CCDC171: variants seen among roughly 807,000 people sequenced by gnomAD.
CCDC171 encodes the protein coiled-coil domain-containing protein 171.
Under a neutral mutation model 168.2 loss-of-function variants are expected in CCDC171, and 177 were observed. The observed-to-expected ratio is 1.05, with a 90% CI of 0.93 to 1.19. The LOEUF (loss-of-function observed/expected upper bound fraction) is 1.19. Ranked by LOEUF, CCDC171 falls within the 50% of genes most tolerant of loss-of-function variation. The probability of loss-of-function intolerance (pLI) is 0.00; values close to 1 mark genes in which losing one functional copy is unlikely to be tolerated. For missense variants in CCDC171, 1,991 were observed against 1,539.0 expected, an observed-to-expected ratio of 1.29 and a Z score of -4.91; for synonymous variants, 687 against 540.8, an observed-to-expected ratio of 1.27 and a Z score of -3.75.
chr9:15,905,154 G>C (rs1195786188), intron 24 of CCDC171, among the ~76,000 whole-genome samples: 1 of 152,158 alleles, frequency 6.6e-6, no homozygotes, highest in Non-Finnish European at 1.5e-5. Context: ...ATTGAACTCA[G>C]CTCTGCACCA....
intron 24 of CCDC171, among the ~76,000 whole-genome samples, chr9:15,909,463 C>T (rs914271771): frequency 2.6e-5 from 4 of 152,022 alleles, no homozygotes; most frequent in African/African-American, 4.8e-5. Flanking sequence ...AGGTGGTTGG[C>T]AGTCTGACAT....
At chr9:15,713,947 G>T (rs1360725283) in intron 11 of CCDC171, among the ~76,000 whole-genome samples, 4 of 151,728 alleles carry the variant, frequency 2.6e-5, no homozygotes, top group East Asian at 3.9e-4. Flanking sequence ...CCTGCTAGAT[G>T]AAAAAAACTG....
intron 8 of CCDC171, among the ~76,000 whole-genome samples, chr9:15,658,758 C>T (rs1363664665): frequency 6.6e-6 from 1 of 152,122 alleles, no homozygotes; most frequent in African/African-American, 2.4e-5. Context: ...AAGATTTCTT[C>T]CCTAGAGTCT....
intron 22 of CCDC171, 107 bp from the exon 23 acceptor site, chr9:15,848,786 A>C (rs1359689259): frequency 1.9e-6 from 1 of 536,950 alleles, no homozygotes; most frequent in East Asian, 3.5e-5. Context: ...AAAGGAGAAC[A>C]GTGATATCAG....
chr9:15,741,101 A>G (rs1336602438), intron 16 of CCDC171, among the ~76,000 whole-genome samples: 1 of 152,014 alleles, frequency 6.6e-6, no homozygotes, highest in East Asian at 1.9e-4. Flanking sequence ...GTATATATTA[A>G]GGATATTGAT....
chr9:15,910,778 T>C (rs564789149), intron 24 of CCDC171, among the ~76,000 whole-genome samples: 1 of 152,082 alleles, frequency 6.6e-6, no homozygotes, highest in Non-Finnish European at 1.5e-5. Flanking sequence ...CTCCCACTTA[T>C]GAGTGAGAAA....
chr9:15,610,266 A>G (rs936930057), intron 6 of CCDC171, among the ~76,000 whole-genome samples: 1 of 149,268 alleles, frequency 6.7e-6, no homozygotes, highest in African/African-American at 2.5e-5. Flanking sequence ...GCTCTGCTGC[A>G]AAGGCTGGAA....
At position 15,833,492 on chromosome 9, in the gene CCDC171, A is replaced by G. The variant is rs115130295; in HGVS notation, c.3268-13210A>G. Among the ~76,000 whole-genome samples, 195 of 152,300 alleles carry G rather than the reference A, an allele frequency of 1.3e-3. 1 individual carries two copies. Among genetic ancestry groups the G allele is most frequent in the African/African-American group, 4.5e-3 (188 of 41,572 alleles). On this transcript the variant is annotated intron_variant, in intron 21 of 25. Transcript: ENST00000380701. The stretch of plus-strand genomic sequence containing the variant: ...TGAAGTTTATTTTTGCCATTGTTGA[A>G]TAAGTCTTTCATTTCTTTAAATAAT...
chr9:16,052,682 C>G (rs1833770013), intron 1 of CCDC171, among the ~76,000 whole-genome samples: 1 of 152,096 alleles, frequency 6.6e-6, no homozygotes, highest in Non-Finnish European at 1.5e-5. Context: ...AGAGTCCGCC[C>G]TCTATTTGAT....
intron 25 of CCDC171, among the ~76,000 whole-genome samples, chr9:15,931,794 T>C (rs1357431418): frequency 6.6e-6 from 1 of 151,838 alleles, no homozygotes; most frequent in Admixed American, 6.6e-5. Flanking sequence ...AGTTGATTTT[T>C]GGATATGGTA....
chr9:15,705,987 G>A (rs547359207), intron 11 of CCDC171, among the ~76,000 whole-genome samples: 1 of 152,312 alleles, frequency 6.6e-6, no homozygotes, highest in African/African-American at 2.4e-5. Flanking sequence ...TCCATAAGGA[G>A]TCACCAGAAA....
In CCDC171 at chr9:15,608,952, A is replaced by AT. The variant is rs1331551350; in HGVS notation, c.676-14315_676-14314insT. On this transcript the variant is annotated intron_variant, in intron 6 of 25. Transcript: ENST00000380701. The stretch of plus-strand genomic sequence containing the variant: ...AGAGCAAGACCCTGTCTCAAAAAAA[A>AT]AAAAAAAAAAAAAAAAAAAAGAGTG... Among the ~76,000 whole-genome samples the AT allele has an allele frequency of 5.1e-4, 75 of 146,752 alleles. 3 individuals are homozygous for AT. The highest frequency in any genetic ancestry group is 1.7e-3 in the African/African-American group (68 of 39,464).
chr9:15,990,609 C>T (rs373056825), intron 3 of CCDC171, among the ~76,000 whole-genome samples: 1 of 152,226 alleles, frequency 6.6e-6, no homozygotes, highest in African/African-American at 2.4e-5. Flanking sequence ...CTAAATGCTC[C>T]AATTAAAAGA....
chr9:15,759,105 C>T (rs2056303573), intron 18 of CCDC171, among the ~76,000 whole-genome samples: 2 of 152,046 alleles, frequency 1.3e-5, no homozygotes, highest in South Asian at 4.2e-4. Context: ...TATTTCGTCT[C>T]CCTCCCTCCC....
rs188588917 is a variant in CCDC171, at chr9:16,013,462, G to C, written n.369-7127G>C. On this transcript the variant is annotated intron_variant and non_coding_transcript_variant, in intron 3 of 9. Coordinates refer to the CCDC171 transcript ENST00000486641. ...CTAAGGCCTACCTTTGCAATCTGAC[G>C]TTCAAAGGTTCAACCCACTTCTCTT... Among the ~76,000 whole-genome samples, 3 of 152,142 alleles carry C rather than the reference G, an allele frequency of 2.0e-5. 1 individual carries two copies. The East Asian group carries it at 5.8e-4, about 29-fold the overall frequency.
At chr9:15,666,423 T>C in intron 9 of CCDC171, 100 bp downstream of exon 9, 1 of 759,304 alleles carries the variant, frequency 1.3e-6, no homozygotes, top group Non-Finnish European at 2.0e-6. Flanking sequence ...ATAGCTCCCA[T>C]TAATGTCAGT....
chr9:15,978,815 T>A (rs1831698862), downstream of CCDC171, among the ~76,000 whole-genome samples: 1 of 152,170 alleles, frequency 6.6e-6, no homozygotes, highest in Non-Finnish European at 1.5e-5. Flanking sequence ...TTCACAAAGA[T>A]GAACAATTTT....
At chr9:15,741,026 T>A (rs1346215725) in intron 16 of CCDC171, among the ~76,000 whole-genome samples, 1 of 152,226 alleles carries the variant, frequency 6.6e-6, no homozygotes, top group East Asian at 1.9e-4. Context: ...TAAATTATTA[T>A]ATCTTTTTTA....
chr9:15,936,871 C>T (rs1449168300), intron 25 of CCDC171, among the ~76,000 whole-genome samples: 2 of 151,996 alleles, frequency 1.3e-5, no homozygotes, highest in South Asian at 2.1e-4. Flanking sequence ...AACTCTGTAC[C>T]ACTAAAGTCA....
Sources: gnomAD v4.1 joint callset for allele counts (sites outside exome capture counted in the v4.1 genomes callset) on GRCh38, gnomAD v4.1.1 for gene constraint, MANE v1.5 for transcripts, NCBI Gene and HGNC (gene_info 2026-07-23, HGNC 2026-07-21) for gene names.